Variants in PLA2R1 observed in about 807,000 individuals in gnomAD.
PLA2R1 encodes secretory phospholipase A2 receptor.
In PLA2R1, 158 loss-of-function variants were observed where a neutral mutation model predicts 195.9. The observed-to-expected ratio is 0.81, with a 90% confidence interval of 0.71 to 0.92. PLA2R1 has a LOEUF of 0.92. Ranked by LOEUF, PLA2R1 falls within the 40% of genes least tolerant of loss-of-function variation. PLA2R1 has a pLI of 0.00. For missense variants in PLA2R1, 1,626 were observed against 1,764.6 expected (o/e 0.92, Z 1.41); for synonymous variants, 586 against 598.2 (o/e 0.98, Z 0.30).
intron 11 of PLA2R1, among the ~76,000 whole-genome samples, chr2:160,000,295 A>C (rs951424776): frequency 2.0e-5 from 3 of 152,212 alleles, no homozygotes; most frequent in African/African-American, 7.2e-5. Flanking sequence ...GGAGTGAATA[A>C]TAAGAAAAGA....
At chr2:159,971,744 A>C (rs765203815) in intron 17 of PLA2R1, among the ~76,000 whole-genome samples, 24 of 152,206 alleles carry the variant, frequency 1.6e-4, no homozygotes, top group African/African-American at 4.6e-4. Flanking sequence ...CTTCAGAAGA[A>C]ATTTTAAGAT....
intron 27 of PLA2R1, 73 bp from the exon 28 acceptor site, chr2:159,945,155 T>C: frequency 2.2e-6 from 2 of 919,196 alleles, no homozygotes; most frequent in Non-Finnish European, 1.5e-6. Context: ...GAATTAACCA[T>C]AAAAAGCAGC....
At chr2:159,970,490 A>G (rs1340486366) in intron 17 of PLA2R1, among the ~76,000 whole-genome samples, 3 of 152,214 alleles carry the variant, frequency 2.0e-5, no homozygotes, top group African/African-American at 7.2e-5. Context: ...AAGGTTTTAA[A>G]AAGTAATATT....
chr2:159,941,782 TG>T lies in PLA2R1; in HGVS notation c.4387del (p.Gln1463AsnfsTer15). The T allele has an allele frequency of 6.5e-7, 1 of 1,543,768 alleles. No individual in the cohort carries two copies. The highest frequency in any genetic ancestry group is 9.0e-7 in the Non-Finnish European group (1 of 1,116,670). On this transcript the variant is annotated frameshift_variant, in exon 30 of 30. Coordinates refer to ENST00000283243, the MANE Select transcript of PLA2R1 (RefSeq NM_007366.5). LOFTEE classifies it high-confidence loss of function. The stretch of plus-strand genomic sequence containing the variant: ...TGGCATTCTCTGACCTCATTATTAT[TG>T]GTCACTCTTCTCAAGATCAGAAATG... ...ILISDLEKSD[Q>X] is the part of the protein sequence containing the mutation.
At chr2:160,057,100 G>A (rs1695600938) in intron 1 of PLA2R1, among the ~76,000 whole-genome samples, 2 of 152,150 alleles carry the variant, frequency 1.3e-5, no homozygotes, top group African/African-American at 2.4e-5. Flanking sequence ...CTAGCATGCT[G>A]TGAAGAATGT....
intron 17 of PLA2R1, 62 bp downstream of exon 17, chr2:159,976,006 C>T: frequency 8.4e-7 from 1 of 1,191,338 alleles, no homozygotes; most frequent in Non-Finnish European, 1.2e-6. Flanking sequence ...CCCTCCCTCC[C>T]TCCCAAGGGC....
rs748678635 is a variant in PLA2R1, at chr2:160,028,256, C to T, written c.1061G>A (p.Cys354Tyr). The change falls in exon 6 of 30, where the codon TGT becomes TAT. Residue 354 changes from cysteine to tyrosine, a missense_variant. Cys to Tyr is a radical substitution (Grantham distance 194). Transcript: ENST00000283243. ...ATCAATGTGGTTTAGATATTTTTTA[C>T]ATATATATGGCAAGGTGGACTCACA... ...RDCESTLPYI[C>Y]KKYLNHIDHE... The T allele has an allele frequency of 6.9e-6, 11 of 1,602,600 alleles. No homozygotes were observed. Among genetic ancestry groups the T allele is most frequent in the Non-Finnish European group, 9.4e-6 (11 of 1,173,358 alleles).
downstream of PLA2R1, among the ~76,000 whole-genome samples, chr2:159,927,897 G>T (rs1005605498): frequency 1.3e-5 from 2 of 152,188 alleles, no homozygotes; most frequent in Non-Finnish European, 2.9e-5. Flanking sequence ...TGTATTACTG[G>T]TGAAATCAAA....
intron 2 of PLA2R1, among the ~76,000 whole-genome samples, chr2:160,042,544 A>G (rs1311716892): frequency 1.3e-5 from 2 of 152,202 alleles, no homozygotes; most frequent in Non-Finnish European, 2.9e-5. Flanking sequence ...CACATCAGCC[A>G]TTAGCATCTA....
intron 4 of PLA2R1, among the ~76,000 whole-genome samples, chr2:160,030,489 A>G (rs2105515056): frequency 6.6e-6 from 1 of 152,374 alleles, no homozygotes; most frequent in South Asian, 2.1e-4. Context: ...TTAAAATATT[A>G]AAACGTTAAT....
intron 14 of PLA2R1, among the ~76,000 whole-genome samples, chr2:159,978,948 G>A (rs2105285098): frequency 6.6e-6 from 1 of 152,186 alleles, no homozygotes; most frequent in Non-Finnish European, 1.5e-5. Context: ...GCAAATCCTG[G>A]CTCTCCTATA....
At chr2:159,931,955 C>A (rs1686608566), downstream of PLA2R1, 1 of 152,052 alleles carries the variant, frequency 6.6e-6, no homozygotes, top group African/African-American at 2.4e-5. Flanking sequence ...TTTTGATTTC[C>A]TGACCAACTA....
chr2:160,027,692 T>C (rs1693610916), intron 6 of PLA2R1, among the ~76,000 whole-genome samples: 1 of 152,176 alleles, frequency 6.6e-6, no homozygotes, highest in South Asian at 2.1e-4. Flanking sequence ...GTTATAGACC[T>C]GAAAAACAGA....
intron 14 of PLA2R1, among the ~76,000 whole-genome samples, chr2:159,977,941 ATAAAT>A (rs1247437707): frequency 6.6e-6 from 1 of 152,110 alleles, no homozygotes; most frequent in African/African-American, 2.4e-5. Flanking sequence ...AAAAAAATAA[ATAAAT>A]AAAATAAAAA....
At chr2:160,042,224 A>C (rs763722016) in intron 2 of PLA2R1, 26 bp from the exon 3 acceptor site, 10 of 1,598,352 alleles carry the variant, frequency 6.3e-6, no homozygotes, top group Non-Finnish European at 8.6e-6. Flanking sequence ...GTACAAAGTC[A>C]GATAAGTATG....
chr2:159,948,026 G>A (rs1367892487), intron 25 of PLA2R1, among the ~76,000 whole-genome samples: 1 of 152,130 alleles, frequency 6.6e-6, no homozygotes, highest in Non-Finnish European at 1.5e-5. Flanking sequence ...ATTCAATAAA[G>A]TATCATAACA....
chr2:160,045,177 T>C lies in PLA2R1; in HGVS notation c.110-20A>G, dbSNP rs2105617683. ...CTTTATCTGAAACAAAAATCAAAGA[T>C]GTGGCATGAAATTTTCATATATAAT... On this transcript the variant is annotated intron_variant, in intron 1 of 29. Coordinates refer to ENST00000283243, the MANE Select transcript of PLA2R1 (RefSeq NM_007366.5). The C allele has an allele frequency of 1.3e-6, 2 of 1,569,856 alleles. No individual in the cohort carries two copies. The highest frequency in any genetic ancestry group is 1.7e-6 in the Non-Finnish European group (2 of 1,151,592).
chr2:160,009,841 C>T (rs184392082), intron 10 of PLA2R1, among the ~76,000 whole-genome samples: 9 of 152,242 alleles, frequency 5.9e-5, no homozygotes, highest in Admixed American at 5.2e-4. Context: ...GGTATAGTGG[C>T]TCACACCTAT....
downstream of PLA2R1, among the ~76,000 whole-genome samples, chr2:159,928,052 A>G (rs989920055): frequency 5.3e-5 from 8 of 152,214 alleles, no homozygotes; most frequent in African/African-American, 1.9e-4. Context: ...GGCTGTGTGG[A>G]GATGGACTGG....
Sources: gnomAD v4.1 joint callset for allele counts (sites outside exome capture counted in the v4.1 genomes callset) on GRCh38, gnomAD v4.1.1 for gene constraint, MANE v1.5 for transcripts, NCBI Gene and HGNC (gene_info 2026-07-23, HGNC 2026-07-21) for gene names.